The following PCDHGA4 variants were observed in gnomAD, a reference collection of about 807,000 sequenced individuals.
PCDHGA4 encodes the protein protocadherin gamma-A4.
Under a neutral mutation model 54.6 loss-of-function variants are expected in PCDHGA4, and 38 were observed. The observed-to-expected ratio is 0.70, with a 90% CI of 0.54 to 0.91. PCDHGA4 has a LOEUF of 0.91. PCDHGA4 is among the 40% of genes least tolerant of loss of function. The probability of loss-of-function intolerance (pLI) is 0.00; values close to 1 mark genes in which losing one functional copy is unlikely to be tolerated. For missense variants in PCDHGA4, 1,298 were observed against 1,220.9 expected (o/e 1.06, Z -0.94); for synonymous variants, 511 against 512.9 (o/e 1.00, Z 0.05).
In PCDHGA4 at chr5:141,486,853, C is replaced by T. The variant is rs1401626024; in HGVS notation, c.2515-7954C>T. The stretch of plus-strand genomic sequence containing the variant: ...GTCTATTTGTGCTGGACCTCAATGA[C>T]AATGCTCCAGCTGTGCTCCGTCCTC... On this transcript the variant is annotated intron_variant, in intron 1 of 3. Coordinates refer to ENST00000571252, the MANE Select transcript of PCDHGA4 (RefSeq NM_018917.4). This position sits in a 1 kb window ranked among gnomAD's most constrained non-coding sequence, Gnocchi z 5.0. 6.2e-7 allele frequency: 1 copy of T among 1,614,244 alleles called. No individual in the cohort carries two copies. The highest frequency in any genetic ancestry group is 2.2e-5 in the East Asian group (1 of 44,886).
At position 141,502,665 on chromosome 5, in the gene PCDHGA4, A is replaced by G. The variant is rs192555506; in HGVS notation, c.2574-2728A>G. The stretch of plus-strand genomic sequence containing the variant: ...GAGATAGGCAGCAACCCTTCATGCA[A>G]TTTTAGTATTCCCTGATGATCCTTG... On this transcript the variant is annotated intron_variant, in intron 2 of 3. Transcript: ENST00000571252. 3.7e-3 allele frequency among the ~76,000 whole-genome samples: 568 copies of G among 152,330 alleles called. 1 individual carries two copies. Among genetic ancestry groups the G allele is most frequent in the African/African-American group, 0.013 (544 of 41,584 alleles).
Position 141,491,793 on chromosome 5 carries a change from C to T in PCDHGA4, c.2515-3014C>T, listed in dbSNP as rs2099730341. 4.0e-6 allele frequency: 6 copies of T among 1,511,410 alleles called. No individual in the cohort carries two copies. Among genetic ancestry groups the T allele is most frequent in the East Asian group, 2.5e-5 (1 of 40,660 alleles). The allele number at this position is 1,511,410 out of a possible 1,614,324, so 93.6% of individuals were successfully genotyped here. A position where few individuals can be genotyped will look rare whatever the true frequency, so the allele number is the denominator to read the frequency against. On this transcript the variant is annotated intron_variant, in intron 1 of 3. Transcript: ENST00000571252. This position sits in a 1 kb window ranked among gnomAD's most constrained non-coding sequence, Gnocchi z 6.9. ...AGGGATTGAACTTGCATCCACTCCT[C>T]TCCGGCCGGCTTGGTCGCTGGCTGC...
At chr5:141,474,117 A>C (rs748431734) in intron 1 of PCDHGA4, among the ~76,000 whole-genome samples, 11 of 152,186 alleles carry the variant, frequency 7.2e-5, no homozygotes, top group Non-Finnish European at 1.2e-4. Context: ...ACAACAACGA[A>C]AATCTCAGAA....
In PCDHGA4 at chr5:141,355,378, G is replaced by A; in HGVS notation, c.271G>A (p.Ala91Thr). ...KDLGLAPREL[A>T]ERGVRIVSRG... ...CCTGGGGTTGGCGCCCCGGGAGCTGGCGGAGCGCGGAGTCCGCATCGTCTC... is the reference window on the plus strand; with the variant it reads ...CCTGGGGTTGGCGCCCCGGGAGCTGACGGAGCGCGGAGTCCGCATCGTCTC... Residue 91 changes from alanine (A) to threonine (T), a missense_variant, in exon 1 of 4, where the codon GCG becomes ACG. Coordinates refer to ENST00000571252, the MANE Select transcript of PCDHGA4 (RefSeq NM_018917.4). The A allele has an allele frequency of 6.2e-7, 1 of 1,614,042 alleles. No individual in the cohort carries two copies. The highest frequency in any genetic ancestry group is 1.1e-5 in the South Asian group (1 of 91,082).
At chr5:141,454,721 A>G (rs2098797156) in intron 1 of PCDHGA4, among the ~76,000 whole-genome samples, 1 of 146,810 alleles carries the variant, frequency 6.8e-6, no homozygotes, top group South Asian at 2.2e-4. Flanking sequence ...ATTCCATATT[A>G]TATGTTATAG....
chr5:141,357,516 A>G lies in PCDHGA4; in HGVS notation c.2409A>G (p.Gln803=), dbSNP rs1321097755. 3 of 1,614,010 alleles carry G rather than the reference A, an allele frequency of 1.9e-6. No homozygotes were observed. The highest frequency in any genetic ancestry group is 1.3e-5 in the African/African-American group (1 of 74,902). The change falls in exon 1 of 4, where the codon CAA becomes CAG. Residue 803 remains glutamine (Q), a synonymous_variant. Transcript: ENST00000571252. ...GGAAGAGTCACCTGATCTTCTCCCA[A>G]CCCAGCTATGCAGACACGCTCATCA... is the stretch of plus-strand genomic sequence containing the variant. ...DSRKSHLIFS[Q]PSYADTLISR...
Position 141,448,649 on chromosome 5 carries a change from T to C in PCDHGA4, c.2515-46158T>C, listed in dbSNP as rs181402439. 1.4e-3 allele frequency among the ~76,000 whole-genome samples: 218 copies of C among 152,220 alleles called. 1 individual carries two copies. Among genetic ancestry groups the C allele is most frequent in the African/African-American group, 5.0e-3 (206 of 41,530 alleles). On this transcript the variant is annotated intron_variant, in intron 1 of 3. Transcript: ENST00000571252. ...CTTCACATTATATCCTTTAAAAATA[T>C]TTCCATATTGGCCGGGCGCGGTGGC...
At chr5:141,410,849 C>CTTTTTTTTTTTTTTTTTTTCTT (rs2095436178) in intron 1 of PCDHGA4, 1 of 129,786 alleles carries the variant, frequency 7.7e-6, no homozygotes, top group Non-Finnish European at 1.3e-5. Context: ...TTGTCTTTGT[C>CTTTTTTTTTTTTTTTTTTTCTT]TTTTTTTTTT....
intron 2 of PCDHGA4, 62 bp downstream of exon 2, chr5:141,494,927 G>C: frequency 6.2e-7 from 1 of 1,613,516 alleles, no homozygotes; most frequent in Non-Finnish European, 8.5e-7. Context: ...GATGACGTGG[G>C]AGGAGATGGG....
At chr5:141,403,146 G>T (rs1400601984) in intron 1 of PCDHGA4, 2 of 1,614,056 alleles carry the variant, frequency 1.2e-6, no homozygotes, top group Middle Eastern at 1.6e-4. Context: ...CGCCGAGTCC[G>T]CATCGTCTCT....
rs1236013576 is a variant in PCDHGA4 at position 141,375,392 on chromosome 5, A to G, written c.2514+17771A>G. On this transcript the variant is annotated intron_variant, in intron 1 of 3. Transcript: ENST00000571252. ...AACACCACCTCTGTCTACAGAAACA[A>G]TCATCTCTCTAAATGTGGCAGACAC... 33 of 1,613,850 alleles carry G rather than the reference A, an allele frequency of 2.0e-5. 1 individual carries two copies. Among genetic ancestry groups the G allele is most frequent in the African/African-American group, 4.0e-5 (3 of 74,932 alleles).
intron 1 of PCDHGA4, chr5:141,413,440 A>G (rs4912751): frequency 0.46 from 738,760 of 1,613,878 alleles, 177,316 homozygotes; most frequent in African/African-American, 0.83. Flanking sequence ...CGGCAGCTTG[A>G]TCACCGCGGG....
chr5:141,484,716 G>C (rs1375103858), intron 1 of PCDHGA4, among the ~76,000 whole-genome samples: 1 of 152,030 alleles, frequency 6.6e-6, no homozygotes, highest in African/African-American at 2.4e-5. Context: ...CGCCGAAAAG[G>C]GGCGGGGTCA....
rs561824381 is a variant in PCDHGA4 at position 141,449,084 on chromosome 5, C to T, written c.2515-45723C>T. Among the ~76,000 whole-genome samples, 8 of 152,250 alleles carry T rather than the reference C, an allele frequency of 5.3e-5. No individual in the cohort carries two copies. In the East Asian group the frequency reaches 1.4e-3, roughly 26 times the overall value. The stretch of plus-strand genomic sequence containing the variant: ...CTATTGAATAGCCCTGTACCTACAT[C>T]AGTTTTTACATATGCAGTATATCTT... On this transcript the variant is annotated intron_variant, in intron 1 of 3. Transcript: ENST00000571252.
At chr5:141,421,705 G>C (rs1249601582) in intron 1 of PCDHGA4, 1 of 1,613,944 alleles carries the variant, frequency 6.2e-7, no homozygotes, top group Non-Finnish European at 8.5e-7. Context: ...TAATGCTAGG[G>C]ATCCAGATGT....
rs553860713 is a variant in PCDHGA4, at chr5:141,410,124, G to C, written c.2514+52503G>C. On this transcript the variant is annotated intron_variant, in intron 1 of 3. Coordinates refer to ENST00000571252, the MANE Select transcript of PCDHGA4 (RefSeq NM_018917.4). ...GGCGACAGGGACGCAGCCCGCCAGC[G>C]CCTGCTGGTCGCTGTGCGTGACGGT... is the stretch of plus-strand genomic sequence containing the variant. 1.2e-5 allele frequency: 20 copies of C among 1,612,726 alleles called. No homozygotes were observed. In the South Asian group the frequency reaches 2.2e-4, roughly 18 times the overall value.
In PCDHGA4 at chr5:141,476,476, C is replaced by T; in HGVS notation, c.2515-18331C>T. 6.2e-7 allele frequency: 1 copy of T among 1,613,986 alleles called. No homozygotes were observed. The highest frequency in any genetic ancestry group is 8.5e-7 in the Non-Finnish European group (1 of 1,179,992). On this transcript the variant is annotated intron_variant, in intron 1 of 3. Transcript: ENST00000571252. The surrounding 1 kb of genome is among the most constrained non-coding windows in gnomAD (Gnocchi z 7.6). Reference sequence around the variant, plus strand: ...TGGAGAACCCGCTGGAGCTGTTCAGCGTGGAAGTGGTGATCCAGGACATCA... The same window carrying T: ...TGGAGAACCCGCTGGAGCTGTTCAGTGTGGAAGTGGTGATCCAGGACATCA...
At chr5:141,392,901 C>G in intron 1 of PCDHGA4, 1 of 1,613,832 alleles carries the variant, frequency 6.2e-7, no homozygotes, top group Non-Finnish European at 8.5e-7. Context: ...CGGGAGGGGA[C>G]AGATTCGCTA....
intron 2 of PCDHGA4, among the ~76,000 whole-genome samples, chr5:141,504,479 G>T (rs1270717855): frequency 6.6e-6 from 1 of 152,100 alleles, no homozygotes; most frequent in African/African-American, 2.4e-5. Context: ...TGGGAGTACA[G>T]TGGAGGCACC....
Sources: allele counts gnomAD v4.1 joint callset (sites outside exome capture counted in the v4.1 genomes callset), GRCh38; gene constraint gnomAD v4.1.1; non-coding constraint Gnocchi (gnomAD v3.1); transcripts MANE v1.5; gene names NCBI Gene and HGNC (gene_info 2026-07-23, HGNC 2026-07-21).